The following STAC2 variants were observed in gnomAD, a reference collection of about 807,000 sequenced individuals.
STAC2 encodes SH3 and cysteine rich domain 2.
In STAC2, 36 loss-of-function variants were observed where a neutral mutation model predicts 49.0. That is an observed-to-expected ratio of 0.74 (90% confidence interval 0.56 to 0.97). The LOEUF (loss-of-function observed/expected upper bound fraction) is 0.97. Ranked by LOEUF, STAC2 falls within the 50% of genes least tolerant of loss-of-function variation. The pLI, the probability that STAC2 is intolerant of heterozygous loss-of-function variation, is 0.00. For missense variants in STAC2, 527 were observed against 543.8 expected (o/e 0.97, Z 0.31); for synonymous variants, 239 against 214.7 (o/e 1.11, Z -0.99).
At position 39,213,069 on chromosome 17, in the gene STAC2, C is replaced by G; in HGVS notation, c.1057G>C (p.Glu353Gln). Reference sequence around the variant, plus strand: ...GGTTGGCAGCAGCGCCAAACATTCTCGCCTGGCCTCACCCGTTGCACAAAA... The same window carrying G: ...GGTTGGCAGCAGCGCCAAACATTCTGGCCTGGCCTCACCCGTTGCACAAAA... ...ANFVQRVRPG[E>Q]NVWRCCQPFS... The change falls in exon 10 of 11, where the codon GAG becomes CAG. Residue 353 changes from glutamate to glutamine, a missense_variant. Physicochemically the swap from Glu to Gln is conservative, Grantham distance 29. Coordinates refer to ENST00000333461, the MANE Select transcript of STAC2 (RefSeq NM_198993.5). 6.2e-7 allele frequency: 1 copy of G among 1,613,650 alleles called. No individual in the cohort carries two copies. Among genetic ancestry groups the G allele is most frequent in the Non-Finnish European group, 8.5e-7 (1 of 1,180,048 alleles).
intron 4 of STAC2, among the ~76,000 whole-genome samples, chr17:39,216,338 G>C (rs145662960): frequency 6.6e-6 from 1 of 152,304 alleles, no homozygotes; most frequent in African/African-American, 2.4e-5. Context: ...CGCTCATGCT[G>C]ATGGTGATTG....
At chr17:39,213,595 G>A (rs2046374103) in intron 8 of STAC2, 37 bp from the exon 9 acceptor site, 1 of 1,611,944 alleles carries the variant, frequency 6.2e-7, no homozygotes, top group East Asian at 2.2e-5. Context: ...TATGGAGCAG[G>A]GAGTAGTGCC....
At chr17:39,213,752 C>T (rs563607143) in intron 8 of STAC2, among the ~76,000 whole-genome samples, 194 bp from the exon 9 acceptor site, 28 of 150,724 alleles carry the variant, frequency 1.9e-4, no homozygotes, top group Non-Finnish European at 3.8e-4. Context: ...TCTTGGCTCA[C>T]TGCAACCTCC....
At chr17:39,219,362 T>A (rs2046440080) in intron 1 of STAC2, among the ~76,000 whole-genome samples, 1 of 152,188 alleles carries the variant, frequency 6.6e-6, no homozygotes, top group African/African-American at 2.4e-5. Context: ...CTCTTTATCC[T>A]GCCAATATGC....
rs935495709 is a variant in STAC2 at position 39,225,831 on chromosome 17, C to T, written c.-329G>A. On this transcript the variant is annotated 5_prime_UTR_variant, in exon 1 of 11. Transcript: ENST00000333461. The surrounding 1 kb of genome is among the most constrained non-coding windows in gnomAD (Gnocchi z 8.2). Reference sequence around the variant, plus strand: ...CGAGGGAGGGAGCCAAGGAGCTGTCCGTGTCCAGCCGGCTCCGCCGTCCGC... The same window carrying T: ...CGAGGGAGGGAGCCAAGGAGCTGTCTGTGTCCAGCCGGCTCCGCCGTCCGC... 3.4e-6 allele frequency: 1 copy of T among 296,674 alleles called. No individual in the cohort carries two copies. The allele number at this position is 296,674 out of a possible 1,614,324, so 18.4% of individuals were successfully genotyped here.
chr17:39,222,924 C>G (rs887076498), intron 1 of STAC2, among the ~76,000 whole-genome samples: 8 of 152,174 alleles, frequency 5.3e-5, no homozygotes, highest in Non-Finnish European at 5.9e-5. Context: ...CACAAGCTGA[C>G]TCACAGCAGA....
At position 39,212,341 on chromosome 17, in the gene STAC2, C is replaced by A; in HGVS notation, c.1187G>T (p.Ser396Ile). 6.2e-7 allele frequency: 1 copy of A among 1,612,518 alleles called. No individual in the cohort carries two copies. ...KDADGFIRVSSGKKRGLVPVD... is the reference protein window; with the variant it reads ...KDADGFIRVSIGKKRGLVPVD... ...TGGCACCAGGCCCCGCTTCTTGCCA[C>A]TGCTGACGCGGATGAAGCCGTCAGC... The change falls in exon 11 of 11, where the codon AGT becomes ATT. Residue 396 changes from serine to isoleucine, a missense_variant. By Grantham distance (142) the Ser-to-Ile change is moderately radical (BLOSUM62 -2). Transcript: ENST00000333461.
chr17:39,212,981 C>A lies in STAC2; in HGVS notation c.1131+14G>T. On this transcript the variant is annotated intron_variant, in intron 10 of 10. Coordinates refer to ENST00000333461, the MANE Select transcript of STAC2 (RefSeq NM_198993.5). ...CCTCCGCCATAGGGCCTGGGCTGGGCCTCAGGCACTCACCTGGTTCTCCTT... is the reference window on the plus strand; with the variant it reads ...CCTCCGCCATAGGGCCTGGGCTGGGACTCAGGCACTCACCTGGTTCTCCTT... The A allele has an allele frequency of 1.2e-6, 2 of 1,613,342 alleles. No individual in the cohort carries two copies. Among genetic ancestry groups the A allele is most frequent in the Non-Finnish European group, 1.7e-6 (2 of 1,179,860 alleles).
At chr17:39,217,012 C>G (rs1182902985) in intron 3 of STAC2, 64 bp downstream of exon 3, 1 of 1,605,880 alleles carries the variant, frequency 6.2e-7, no homozygotes, top group Non-Finnish European at 8.5e-7. Context: ...GAGGGATACT[C>G]ATTCTCCCAT....
intron 1 of STAC2, 66 bp from the exon 2 acceptor site, chr17:39,218,239 C>T: frequency 6.4e-7 from 1 of 1,560,792 alleles, no homozygotes. Flanking sequence ...GGCTTCCCTT[C>T]AGGGTGTCTC....
At chr17:39,222,852 A>T (rs2046475440) in intron 1 of STAC2, among the ~76,000 whole-genome samples, 1 of 151,936 alleles carries the variant, frequency 6.6e-6, no homozygotes. Flanking sequence ...TATTTCCTCA[A>T]TTCCCCACGG....
At chr17:39,221,005 G>C (rs34325637) in intron 1 of STAC2, among the ~76,000 whole-genome samples, 10,478 of 141,412 alleles carry the variant, frequency 0.074, 386 homozygotes, top group Middle Eastern at 0.11. Flanking sequence ...ACCGTGTTAG[G>C]CAGGATGGTC....
Position 39,224,832 on chromosome 17 carries a change from C to A in STAC2, c.90+581G>T, listed in dbSNP as rs138459214. On this transcript the variant is annotated intron_variant, in intron 1 of 10. Transcript: ENST00000333461. ...TCGCGGACTCCGCAGCTGCGCACCCCCGGCCGCGGCCTCGCGTCCCCGAGC... is the reference window on the plus strand; with the variant it reads ...TCGCGGACTCCGCAGCTGCGCACCCACGGCCGCGGCCTCGCGTCCCCGAGC... 4.7e-3 allele frequency among the ~76,000 whole-genome samples: 714 copies of A among 152,272 alleles called. 4 individuals carry two copies. The Middle Eastern group carries it at 0.062, about 13-fold the overall frequency.
chr17:39,220,295 T>G (rs1280205403), intron 1 of STAC2, among the ~76,000 whole-genome samples: 1 of 152,076 alleles, frequency 6.6e-6, no homozygotes, highest in East Asian at 1.9e-4. Context: ...GGGGCTTGGA[T>G]GGGCCCCAAG....
Position 39,217,066 on chromosome 17 carries a change from C to T in STAC2, c.495+10G>A. 1 of 1,613,654 alleles carries T rather than the reference C, an allele frequency of 6.2e-7. No individual in the cohort carries two copies. Among genetic ancestry groups the T allele is most frequent in the Non-Finnish European group, 8.5e-7 (1 of 1,179,704 alleles). On this transcript the variant is annotated intron_variant, in intron 3 of 10. Coordinates refer to ENST00000333461, the MANE Select transcript of STAC2 (RefSeq NM_198993.5). The stretch of plus-strand genomic sequence containing the variant: ...CTCAGCTGGCCATCTCTGCCTGGGT[C>T]CCCGCTCACCGTCTTGCCTGGGCAT...
At chr17:39,218,304 G>C (rs1261497576) in intron 1 of STAC2, 131 bp from the exon 2 acceptor site, 3 of 922,322 alleles carry the variant, frequency 3.3e-6, no homozygotes, top group Non-Finnish European at 5.0e-6. Context: ...CTGAGGGCCA[G>C]AGCGAAATGA....
rs2046509132 is a variant in STAC2, at chr17:39,225,817, G to A, written c.-315C>T. ...CCGCGGGGATGAGCCGAGGGAGGGA[G>A]CCAAGGAGCTGTCCGTGTCCAGCCG... On this transcript the variant is annotated 5_prime_UTR_variant, in exon 1 of 11. Transcript: ENST00000333461. The surrounding 1 kb of genome is among the most constrained non-coding windows in gnomAD (Gnocchi z 8.2). The A allele has an allele frequency of 2.7e-6, 1 of 365,012 alleles. No homozygotes were observed. The highest frequency in any genetic ancestry group is 5.0e-6 in the Non-Finnish European group (1 of 198,028). 22.6% of individuals were successfully genotyped at this position (365,012 alleles called of 1,614,324 possible).
At chr17:39,219,684 C>T (rs148470929) in intron 1 of STAC2, among the ~76,000 whole-genome samples, 2 of 152,182 alleles carry the variant, frequency 1.3e-5, no homozygotes, top group African/African-American at 2.4e-5. Flanking sequence ...GTCGATTCTG[C>T]GGTGAGGCCA....
chr17:39,218,250 T>C, intron 1 of STAC2, 77 bp from the exon 2 acceptor site: 1 of 1,500,554 alleles, frequency 6.7e-7, no homozygotes, highest in African/African-American at 1.4e-5. Flanking sequence ...AGGGTGTCTC[T>C]GGCGGTAGGG....
Sources: allele counts gnomAD v4.1 joint callset (sites outside exome capture counted in the v4.1 genomes callset), GRCh38; gene constraint gnomAD v4.1.1; non-coding constraint Gnocchi (gnomAD v3.1); transcripts MANE v1.5; gene names NCBI Gene and HGNC (gene_info 2026-07-23, HGNC 2026-07-21).